SMAD2: variants seen among roughly 807,000 people sequenced by gnomAD.
The protein encoded by SMAD2 is MAD homolog 2.
Under a neutral mutation model 64.4 loss-of-function variants are expected in SMAD2, and 8 were observed. The ratio of observed to expected loss-of-function variants is 0.12; its 90% CI spans 0.07 to 0.22. SMAD2 has a LOEUF of 0.22. Among genes scored for constraint, SMAD2 ranks in the 10% least tolerant of loss-of-function variants. SMAD2 has a pLI of 1.00. For missense variants in SMAD2, 289 were observed against 561.2 expected (o/e 0.51, Z 4.90); for synonymous variants, 203 against 195.8 (o/e 1.04, Z -0.31).
chr18:47,863,946 T>A (rs896706392), intron 6 of SMAD2, among the ~76,000 whole-genome samples: 5 of 152,156 alleles, frequency 3.3e-5, no homozygotes, highest in Non-Finnish European at 5.9e-5. Context: ...TTTGTTATTG[T>A]CCTTTTTTGA....
chr18:47,846,637 G>T (rs142648214), intron 8 of SMAD2, among the ~76,000 whole-genome samples: 1 of 152,284 alleles, frequency 6.6e-6, no homozygotes, highest in East Asian at 1.9e-4. Flanking sequence ...AAGATGGATG[G>T]CACCATGTGA....
intron 2 of SMAD2, among the ~76,000 whole-genome samples, chr18:47,871,444 TG>T (rs1227443813): frequency 2.0e-5 from 3 of 152,214 alleles, no homozygotes; most frequent in African/African-American, 7.2e-5. Context: ...TGAGCTTAAC[TG>T]GATCAACAGT....
chr18:47,920,112 G>T (rs929384813), intron 1 of SMAD2: 2 of 152,188 alleles, frequency 1.3e-5, no homozygotes, highest in Non-Finnish European at 2.9e-5. Flanking sequence ...GTACCAGCAT[G>T]GTTAGGTTCC....
rs1912889333 is a variant in SMAD2 at position 47,829,082 on chromosome 18, C to T, written c.*12745G>A. On this transcript the variant is annotated 3_prime_UTR_variant, in exon 11 of 11. Coordinates refer to ENST00000262160, the MANE Select transcript of SMAD2 (RefSeq NM_005901.6). The stretch of plus-strand genomic sequence containing the variant: ...TCTCCAGGCAGCCCCATGAGCTTCC[C>T]TGTGAATGAGAACAGAAAAAGTTCA... The T allele has an allele frequency of 6.6e-6, 1 of 152,068 alleles. No homozygotes were observed. Among genetic ancestry groups the T allele is most frequent in the African/African-American group, 2.4e-5 (1 of 41,382 alleles). 9.4% of individuals were successfully genotyped at this position (152,068 alleles called of 1,614,324 possible).
rs780724388 is a variant in SMAD2 at position 47,868,363 on chromosome 18, G to C, written c.615C>G (p.Asn205Lys). Residue 205 changes from asparagine to lysine, a missense_variant, in exon 5 of 11, where the codon AAC becomes AAG. Transcript: ENST00000262160. ...TCTGTGGCTCAATTCCTGCTGGGAA[G>C]TTAGTGTTTTCTGGAATGGAGTGAG... ...DYTHSIPENTNFPAGIEPQSN... is the reference protein window; with the variant it reads ...DYTHSIPENTKFPAGIEPQSN... 6.2e-7 allele frequency: 1 copy of C among 1,612,940 alleles called. No individual in the cohort carries two copies. The highest frequency in any genetic ancestry group is 2.2e-5 in the East Asian group (1 of 44,850).
chr18:47,925,677 A>T (rs1425153194), intron 1 of SMAD2, among the ~76,000 whole-genome samples: 1 of 152,220 alleles, frequency 6.6e-6, no homozygotes, highest in African/African-American at 2.4e-5. Context: ...GCCTCTAACT[A>T]TGCATTTTTA....
intron 6 of SMAD2, among the ~76,000 whole-genome samples, chr18:47,864,250 C>T (rs2031396476): frequency 6.6e-6 from 1 of 152,124 alleles, no homozygotes. Context: ...ACAGCAGAAA[C>T]TTCTTTACCT....
At position 47,840,324 on chromosome 18, in the gene SMAD2, C is replaced by G. The variant is rs1245371381; in HGVS notation, c.*1503G>C. The G allele has an allele frequency of 4.3e-6, 1 of 232,612 alleles. No homozygotes were observed. Among genetic ancestry groups the G allele is most frequent in the Non-Finnish European group, 8.5e-6 (1 of 117,820 alleles). 14.4% of individuals were successfully genotyped at this position (232,612 alleles called of 1,614,324 possible). A position where few individuals can be genotyped will look rare whatever the true frequency, so the allele number is the denominator to read the frequency against. ...TTTTCCATTTCTACTAAGATGCAAA[C>G]AAGAAGAAATGTTTAAACTGCAATG... On this transcript the variant is annotated 3_prime_UTR_variant, in exon 11 of 11. Coordinates refer to ENST00000262160, the MANE Select transcript of SMAD2 (RefSeq NM_005901.6).
intron 2 of SMAD2, among the ~76,000 whole-genome samples, chr18:47,878,036 G>C (rs947925464): frequency 6.6e-6 from 1 of 152,116 alleles, no homozygotes; most frequent in African/African-American, 2.4e-5. Context: ...CAATGAAATA[G>C]TAACCATTCA....
Position 47,837,345 on chromosome 18 carries a change from G to A in SMAD2, c.*4482C>T, listed in dbSNP as rs184957960. ...TGGGAAGCCGAGGTGGACAGATCAC[G>A]AGGTCAGGAGATCGAGACCATCCTG... On this transcript the variant is annotated 3_prime_UTR_variant, in exon 11 of 11. Coordinates refer to ENST00000262160, the MANE Select transcript of SMAD2 (RefSeq NM_005901.6). 69 of 190,040 alleles carry A rather than the reference G, an allele frequency of 3.6e-4. No individual in the cohort carries two copies. The highest frequency in any genetic ancestry group is 1.5e-3 in the African/African-American group (64 of 43,012). 11.8% of individuals were successfully genotyped at this position (190,040 alleles called of 1,614,324 possible).
intron 2 of SMAD2, among the ~76,000 whole-genome samples, 167 bp from the exon 3 acceptor site, chr18:47,870,731 A>G (rs1286822619): frequency 6.6e-6 from 1 of 152,188 alleles, no homozygotes; most frequent in African/African-American, 2.4e-5. Context: ...TATATTTTCT[A>G]TATGAAGGAA....
At chr18:47,906,767 G>C (rs138672761) in intron 1 of SMAD2, among the ~76,000 whole-genome samples, 2,140 of 152,164 alleles carry the variant, frequency 0.014, 24 homozygotes, top group Non-Finnish European at 0.023. Context: ...TCTTTAGCTT[G>C]TGCTCCCTTC....
Position 47,838,172 on chromosome 18 carries a change from A to C in SMAD2, c.*3655T>G, listed in dbSNP as rs1218444092. ...CTTAGTCTTAAATTGACAAGGGCAC[A>C]AAAAAAGTGAAATTAAAATAATTTT... On this transcript the variant is annotated 3_prime_UTR_variant, in exon 11 of 11. Coordinates refer to ENST00000262160, the MANE Select transcript of SMAD2 (RefSeq NM_005901.6). 1 of 232,438 alleles carries C rather than the reference A, an allele frequency of 4.3e-6. No individual in the cohort carries two copies. Among genetic ancestry groups the C allele is most frequent in the Non-Finnish European group, 8.5e-6 (1 of 117,384 alleles). 14.4% of individuals were successfully genotyped at this position (232,438 alleles called of 1,614,324 possible).
At chr18:47,851,432 G>A in intron 6 of SMAD2, 105 bp from the exon 7 acceptor site, 3 of 606,040 alleles carry the variant, frequency 5.0e-6, no homozygotes, top group African/African-American at 2.0e-5. Flanking sequence ...ATAATACAAA[G>A]ATAATTTAAA....
intron 4 of SMAD2, among the ~76,000 whole-genome samples, chr18:47,869,003 C>T (rs2031766556): frequency 6.6e-6 from 1 of 152,152 alleles, no homozygotes. Context: ...TGCCAATCTA[C>T]AGGATTTCCT....
intron 1 of SMAD2, among the ~76,000 whole-genome samples, chr18:47,919,598 C>G (rs1340419536): frequency 6.6e-6 from 1 of 151,926 alleles, no homozygotes; most frequent in South Asian, 2.1e-4. Context: ...CTCAGAATGA[C>G]TGCGGCGTAC....
At position 47,822,128 on chromosome 18, in the gene SMAD2, T is replaced by C. The variant is rs1912596847; in HGVS notation, c.*19699A>G. ...TACATTTATGAGTATGTTATTGATA[T>C]GAGTGTTCCAAAATTGTACGATGCC... On this transcript the variant is annotated 3_prime_UTR_variant, in exon 11 of 11. Coordinates refer to ENST00000262160, the MANE Select transcript of SMAD2 (RefSeq NM_005901.6). 1 of 152,246 alleles carries C rather than the reference T, an allele frequency of 6.6e-6. No homozygotes were observed. Among genetic ancestry groups the C allele is most frequent in the Non-Finnish European group, 1.5e-5 (1 of 68,030 alleles). 9.4% of individuals were successfully genotyped at this position (152,246 alleles called of 1,614,324 possible).
chr18:47,868,045 AACTT>A (rs2031693968), intron 5 of SMAD2, among the ~76,000 whole-genome samples: 1 of 152,144 alleles, frequency 6.6e-6, no homozygotes, highest in Non-Finnish European at 1.5e-5. Context: ...AACTAAGACA[AACTT>A]ACTAAGATCT....
chr18:47,833,370 A>C lies in SMAD2; in HGVS notation c.*8457T>G, dbSNP rs1348219684. 4.5e-6 allele frequency: 1 copy of C among 221,944 alleles called. No individual in the cohort carries two copies. The highest frequency in any genetic ancestry group is 9.0e-6 in the Non-Finnish European group (1 of 110,898). The allele number at this position is 221,944 out of a possible 1,614,324, so 13.7% of individuals were successfully genotyped here. On this transcript the variant is annotated 3_prime_UTR_variant, in exon 11 of 11. Transcript: ENST00000262160. Reference sequence around the variant, plus strand: ...CAGTATTCAACAATTTTAACTTGAAAACCAGCTGTAATAAAGCCTCAGCTC... The same window carrying C: ...CAGTATTCAACAATTTTAACTTGAACACCAGCTGTAATAAAGCCTCAGCTC...
Sources: gnomAD v4.1 joint callset for allele counts (sites outside exome capture counted in the v4.1 genomes callset) on GRCh38, gnomAD v4.1.1 for gene constraint, MANE v1.5 for transcripts, NCBI Gene and HGNC (gene_info 2026-07-23, HGNC 2026-07-21) for gene names.